The following WWC2 variants were observed in gnomAD, a reference collection of about 807,000 sequenced individuals.
WWC2 encodes the protein protein WWC2.
In WWC2, 101 loss-of-function variants were observed where a neutral mutation model predicts 138.5. That is an observed-to-expected ratio of 0.73 (90% CI 0.62 to 0.86). The LOEUF is 0.86. Among genes scored for constraint, WWC2 ranks in the 40% least tolerant of loss-of-function variants. WWC2 has a pLI of 0.00. For missense variants in WWC2, 1,420 were observed against 1,419.4 expected, an observed-to-expected ratio of 1.00 and a Z score of -0.01; for synonymous variants, 558 against 538.4, an observed-to-expected ratio of 1.04 and a Z score of -0.50.
intron 21 of WWC2, among the ~76,000 whole-genome samples, chr4:183,303,878 G>A (rs1738943045): frequency 6.6e-6 from 1 of 151,454 alleles, no homozygotes; most frequent in Middle Eastern, 3.4e-3. Flanking sequence ...TATTTATCTC[G>A]AAATCTAGTA....
chr4:183,249,617 A>G (rs964195663), intron 7 of WWC2, among the ~76,000 whole-genome samples: 4 of 152,236 alleles, frequency 2.6e-5, no homozygotes, highest in African/African-American at 9.6e-5. Context: ...TACACCCTTC[A>G]TAAACTCTGA....
intron 1 of WWC2, among the ~76,000 whole-genome samples, chr4:183,164,823 T>A (rs544176874): frequency 1.3e-5 from 2 of 152,296 alleles, no homozygotes; most frequent in East Asian, 3.9e-4. Flanking sequence ...CAATTCCATG[T>A]GGCAGCCTCC....
chr4:183,133,727 C>T (rs910460060), intron 1 of WWC2, among the ~76,000 whole-genome samples: 43 of 152,298 alleles, frequency 2.8e-4, no homozygotes, highest in African/African-American at 6.5e-4. Context: ...GAACTCCTCA[C>T]CTCGTGATCT....
intron 22 of WWC2, among the ~76,000 whole-genome samples, chr4:183,315,421 G>A (rs1017467664): frequency 6.6e-6 from 1 of 152,138 alleles, no homozygotes; most frequent in Admixed American, 6.5e-5. Context: ...TCCCTGAAGG[G>A]AACTTACGGG....
At chr4:183,210,304 T>C (rs1735561452) in intron 4 of WWC2, among the ~76,000 whole-genome samples, 1 of 151,816 alleles carries the variant, frequency 6.6e-6, no homozygotes, top group African/African-American at 2.4e-5. Flanking sequence ...GGAGATGAAA[T>C]GGTGAGGTGT....
At chr4:183,155,811 C>G (rs1733787957) in intron 1 of WWC2, among the ~76,000 whole-genome samples, 1 of 152,106 alleles carries the variant, frequency 6.6e-6, no homozygotes, top group Non-Finnish European at 1.5e-5. Context: ...AGTCATTGAG[C>G]CAAGACACCC....
chr4:183,266,739 T>A (rs762138812), intron 14 of WWC2, among the ~76,000 whole-genome samples: 1 of 152,206 alleles, frequency 6.6e-6, no homozygotes, highest in Non-Finnish European at 1.5e-5. Context: ...CTTAATAATA[T>A]TTTGAATATG....
At chr4:183,245,988 C>T (rs74692595) in intron 6 of WWC2, among the ~76,000 whole-genome samples, 5,002 of 152,226 alleles carry the variant, frequency 0.033, 252 homozygotes, top group African/African-American at 0.11. Flanking sequence ...AAAAGTTTTC[C>T]GACCCAGTTG....
chr4:183,126,369 A>G (rs887399983), intron 1 of WWC2, among the ~76,000 whole-genome samples: 2 of 152,192 alleles, frequency 1.3e-5, no homozygotes, highest in African/African-American at 4.8e-5. Flanking sequence ...GGATCCTGTT[A>G]TGCCAGAGAA....
intron 1 of WWC2, among the ~76,000 whole-genome samples, chr4:183,110,968 G>A (rs912537708): frequency 6.6e-6 from 1 of 152,108 alleles, no homozygotes; most frequent in African/African-American, 2.4e-5. Context: ...GGCTGGGCTC[G>A]GTGGCTCACG....
intron 1 of WWC2, among the ~76,000 whole-genome samples, chr4:183,106,057 A>G (rs377370125): frequency 2.7e-4 from 41 of 151,292 alleles, no homozygotes; most frequent in African/African-American, 1.0e-3. Flanking sequence ...TCGGCTCACT[A>G]CAGCCTCCGC....
intron 21 of WWC2, among the ~76,000 whole-genome samples, chr4:183,292,054 G>A (rs934562189): frequency 1.3e-4 from 20 of 149,788 alleles, no homozygotes; most frequent in Non-Finnish European, 2.4e-4. Context: ...AAATTCACTA[G>A]GCATGGTGGC....
In WWC2 at chr4:183,285,001, C is replaced by G. The variant is rs976828695; in HGVS notation, c.3048+611C>G. Among the ~76,000 whole-genome samples the G allele has an allele frequency of 1.1e-4, 16 of 152,268 alleles. No homozygotes were observed. The East Asian group carries it at 3.1e-3, about 29-fold the overall frequency. On this transcript the variant is annotated intron_variant, in intron 19 of 22. Coordinates refer to ENST00000403733, the MANE Select transcript of WWC2 (RefSeq NM_024949.6). The stretch of plus-strand genomic sequence containing the variant: ...CTAAATTTATTCATTCAGTTCAACA[C>G]ATTTTTATTAAGCACCTGCTTTTAA...
chr4:183,256,903 C>A (rs934489128), intron 9 of WWC2, among the ~76,000 whole-genome samples: 1 of 99,320 alleles, frequency 1.0e-5, no homozygotes, highest in African/African-American at 4.2e-5. Flanking sequence ...CCCCCCCCCC[C>A]GGCTCTGTTC....
chr4:183,107,434 C>T (rs1356363096), intron 1 of WWC2, among the ~76,000 whole-genome samples: 4 of 152,174 alleles, frequency 2.6e-5, no homozygotes, highest in Non-Finnish European at 4.4e-5. Flanking sequence ...AGATGTGAGC[C>T]ACCACAACTG....
chr4:183,203,347 C>G (rs970095502), intron 2 of WWC2, among the ~76,000 whole-genome samples: 1 of 151,840 alleles, frequency 6.6e-6, no homozygotes, highest in South Asian at 2.1e-4. Flanking sequence ...CTGAGGTACC[C>G]GCATTATCAC....
At chr4:183,229,386 C>G (rs941237177) in intron 4 of WWC2, among the ~76,000 whole-genome samples, 1 of 152,082 alleles carries the variant, frequency 6.6e-6, no homozygotes, top group Non-Finnish European at 1.5e-5. Context: ...AGTACTTAAC[C>G]CTGGTGGTTT....
At chr4:183,122,179 T>A (rs1307675473) in intron 1 of WWC2, among the ~76,000 whole-genome samples, 1 of 152,218 alleles carries the variant, frequency 6.6e-6, no homozygotes, top group Non-Finnish European at 1.5e-5. Flanking sequence ...ATAAATGTTA[T>A]TTATGTATTA....
intron 2 of WWC2, among the ~76,000 whole-genome samples, chr4:183,201,894 G>T (rs1168140613): frequency 6.6e-6 from 1 of 152,150 alleles, no homozygotes; most frequent in African/African-American, 2.4e-5. Flanking sequence ...ATTTATAGAG[G>T]TGACTGAGTG....
Sources: allele counts gnomAD v4.1 joint callset (sites outside exome capture counted in the v4.1 genomes callset), GRCh38; gene constraint gnomAD v4.1.1; transcripts MANE v1.5; gene names NCBI Gene and HGNC (gene_info 2026-07-23, HGNC 2026-07-21).